MKI67: variants seen among roughly 807,000 people sequenced by gnomAD.
MKI67 encodes marker of proliferation Ki-67.
In MKI67, 152 loss-of-function variants were observed where a neutral mutation model predicts 233.5. The observed-to-expected ratio is 0.65, with a 90% CI of 0.57 to 0.74. The LOEUF (loss-of-function observed/expected upper bound fraction) is 0.74. MKI67 is among the 30% of genes least tolerant of loss of function. The probability of loss-of-function intolerance (pLI) is 0.00; values close to 1 mark genes in which losing one functional copy is unlikely to be tolerated. For synonymous variants in MKI67, 1,465 were observed against 1,418.5 expected (o/e 1.03, Z -0.74); for missense variants, 3,940 against 3,885.2 (o/e 1.01, Z -0.37).
chr10:128,119,609 C>T (rs1852888469), intron 4 of MKI67, among the ~76,000 whole-genome samples: 1 of 152,196 alleles, frequency 6.6e-6, no homozygotes, highest in Admixed American at 6.5e-5. Flanking sequence ...TACCAAGCAC[C>T]TTCTATGACA....
In MKI67 at chr10:128,108,950, G is replaced by T; in HGVS notation, c.2890C>A (p.Leu964Met). The T allele has an allele frequency of 6.2e-7, 1 of 1,614,174 alleles. No individual in the cohort carries two copies. Among genetic ancestry groups the T allele is most frequent in the African/African-American group, 1.3e-5 (1 of 75,036 alleles). ...WGQKCAPMSD[L>M]TDLKSLPDTE... Reference sequence around the variant, plus strand: ...TCAGGCAAGCTCTTGAGGTCTGTCAGGTCAGACATTGGTGCACATTTCTGC... The same window carrying T: ...TCAGGCAAGCTCTTGAGGTCTGTCATGTCAGACATTGGTGCACATTTCTGC... Residue 964 changes from leucine to methionine, a missense_variant, in exon 13 of 15, where the codon CTG becomes ATG. Physicochemically the swap from Leu to Met is conservative, Grantham distance 15. Transcript: ENST00000368654.
At chr10:128,109,728 T>C (rs1166452900) in intron 12 of MKI67, among the ~76,000 whole-genome samples, 2 of 152,348 alleles carry the variant, frequency 1.3e-5, no homozygotes, top group East Asian at 3.9e-4. Flanking sequence ...TTGACGTAAA[T>C]ATAGGCATTT....
rs1430937065 is a variant in MKI67 at position 128,106,667 on chromosome 10, C to G, written c.5173G>C (p.Glu1725Gln). The change falls in exon 13 of 15, where the codon GAA (glutamate) becomes CAA (glutamine). Residue 1725 changes from glutamate to glutamine, a missense_variant. Physicochemically the swap from Glu to Gln is conservative, Grantham distance 29. Transcript: ENST00000368654. ...ELFQTPSHTK[E>Q]SMTNEKTTKV... is the part of the protein sequence containing the mutation. The stretch of plus-strand genomic sequence containing the variant: ...GTAGTTTTTTCGTTAGTCATTGATT[C>G]CTTAGTGTGACTTGGTGTCTGGAAG... 7 of 1,614,100 alleles carry G rather than the reference C, an allele frequency of 4.3e-6. No homozygotes were observed. Among genetic ancestry groups the G allele is most frequent in the Non-Finnish European group, 5.9e-6 (7 of 1,180,028 alleles).
chr10:128,114,032 C>G (rs778264276), intron 7 of MKI67, among the ~76,000 whole-genome samples: 63 of 152,162 alleles, frequency 4.1e-4, no homozygotes, highest in Non-Finnish European at 1.0e-4. Flanking sequence ...CACAGGAGCC[C>G]AGTCCCGGCC....
rs372972364 is a variant in MKI67 at position 128,106,516 on chromosome 10, G to T, written c.5324C>A (p.Thr1775Lys). The T allele has an allele frequency of 6.2e-7, 1 of 1,613,918 alleles. No individual in the cohort carries two copies. Among genetic ancestry groups the T allele is most frequent in the Non-Finnish European group, 8.5e-7 (1 of 1,180,008 alleles). Reference protein sequence around the residue: ...EEEFLAFRKQTPSAGKAMHTP... With the variant: ...EEEFLAFRKQKPSAGKAMHTP... Reference sequence around the variant, plus strand: ...GTGCATGGCTTTGCCTGCTGATGGCGTTTGTTTCCTAAATGCTAAAAATTC... The same window carrying T: ...GTGCATGGCTTTGCCTGCTGATGGCTTTTGTTTCCTAAATGCTAAAAATTC... The change falls in exon 13 of 15, where the codon ACG (threonine) becomes AAG (lysine). Residue 1775 changes from threonine (T) to lysine (K), a missense_variant. Thr to Lys is a moderately conservative substitution (Grantham distance 78). Transcript: ENST00000368654.
chr10:128,114,562 T>C (rs1468863404), intron 7 of MKI67, among the ~76,000 whole-genome samples: 1 of 151,322 alleles, frequency 6.6e-6, no homozygotes, highest in Non-Finnish European at 1.5e-5. Context: ...CAAACTCATA[T>C]GATACAGTTG....
At chr10:128,119,140 T>C (rs984755686) in intron 5 of MKI67, 113 bp downstream of exon 5, 7 of 761,916 alleles carry the variant, frequency 9.2e-6, no homozygotes, top group Non-Finnish European at 1.6e-5. Context: ...TTTCCTACTA[T>C]AACAGTAACC....
chr10:128,121,250 T>G (rs1852929780), intron 4 of MKI67, among the ~76,000 whole-genome samples: 1 of 150,882 alleles, frequency 6.6e-6, no homozygotes. Context: ...AGTAGGTGAT[T>G]TGAACATATC....
chr10:128,122,278 T>A (rs942262538), intron 4 of MKI67, among the ~76,000 whole-genome samples: 6 of 152,140 alleles, frequency 3.9e-5, no homozygotes, highest in Admixed American at 3.9e-4. Context: ...TCTTGCTGCC[T>A]CTTCTCATGG....
chr10:128,110,399 G>T lies in MKI67; in HGVS notation c.2395C>A (p.Leu799Ile), dbSNP rs1408626429. 2.5e-6 allele frequency: 4 copies of T among 1,572,174 alleles called. No individual in the cohort carries two copies. In the South Asian group the frequency reaches 4.6e-5, roughly 18 times the overall value. Residue 799 changes from leucine (L) to isoleucine (I), a missense_variant, in exon 12 of 15, where the codon CTC becomes ATC. Transcript: ENST00000368654. ...QGTDSGEEPL[L>I]PTSESFGGNV... ...CAACCAAAACTCTCTGAGGTGGGGA[G>T]CAGAGGTTCTTCTCCTGAATCAGTT...
chr10:128,121,537 T>TAATAC (rs1198978572), intron 4 of MKI67, among the ~76,000 whole-genome samples: 6 of 137,700 alleles, frequency 4.4e-5, no homozygotes, highest in Non-Finnish European at 3.1e-5. Flanking sequence ...TTATATATTA[T>TAATAC]ATTATAATTA....
rs144209401 is a variant in MKI67 at position 128,101,530 on chromosome 10, G to A, written c.9433C>T (p.Pro3145Ser). The change falls in exon 14 of 15, where the codon CCT (proline) becomes TCT (serine). Residue 3145 changes from proline (P) to serine (S), a missense_variant. Transcript: ENST00000368654. The stretch of plus-strand genomic sequence containing the variant: ...TTGTTCTCAGTGACTTTGTCTCTAG[G>A]TATGGGTTTCCGGGCTCCATCATCT... ...NPDDGARKPI[P>S]RDKVTENKRC... The A allele has an allele frequency of 1.4e-5, 23 of 1,614,070 alleles. No individual in the cohort carries two copies. In the African/African-American group the frequency reaches 1.7e-4, roughly 12 times the overall value.
rs770900633 is a variant in MKI67, at chr10:128,114,954, T to C, written c.1454A>G (p.Asp485Gly). ...AATGGAATCACCAAAGTTGTTGATA[T>C]CAACTGAACTAAGACCAGGTAACCC... ...CSGLPGLSSV[D>G]INNFGDSINE... is the part of the protein sequence containing the mutation. The change falls in exon 7 of 15, where the codon GAT (aspartate) becomes GGT (glycine). Residue 485 changes from aspartate (D) to glycine (G), a missense_variant. Coordinates refer to ENST00000368654, the MANE Select transcript of MKI67 (RefSeq NM_002417.5). The C allele has an allele frequency of 3.3e-5, 52 of 1,558,468 alleles. No homozygotes were observed. The East Asian group carries it at 1.1e-3, about 32-fold the overall frequency.
Position 128,112,267 on chromosome 10 carries a change from T to C in MKI67, c.1835A>G (p.Glu612Gly). 6.2e-7 allele frequency: 1 copy of C among 1,614,236 alleles called. No homozygotes were observed. The highest frequency in any genetic ancestry group is 1.6e-4 in the Middle Eastern group (1 of 6,062). ...CTTTCTCCCTCCTCTCTTAGGAACCTCTGTCTGAGATTTGCTGCTGGAAGC... is the reference window on the plus strand; with the variant it reads ...CTTTCTCCCTCCTCTCTTAGGAACCCCTGTCTGAGATTTGCTGCTGGAAGC... The part of the protein sequence containing the change: ...APASSSKSQT[E>G]VPKRGGRKSG... The change falls in exon 9 of 15, where the codon GAG becomes GGG. Residue 612 changes from glutamate (E) to glycine (G), a missense_variant. Physicochemically the swap from Glu to Gly is moderately conservative, Grantham distance 98. Coordinates refer to ENST00000368654, the MANE Select transcript of MKI67 (RefSeq NM_002417.5).
At position 128,106,905 on chromosome 10, in the gene MKI67, CTCT is replaced by C. The variant is rs749724797; in HGVS notation, c.4932_4934del (p.Glu1645del). On this transcript the variant is annotated inframe_deletion, in exon 13 of 15. Transcript: ENST00000368654. ...GTGTGAGCTTGCCAACTGCTAGGAG[CTCT>C]TCTTTCACGCCCACTTTCCCCAGGG... 1 of 1,613,970 alleles carries C rather than the reference CTCT, an allele frequency of 6.2e-7. No individual in the cohort carries two copies. Among genetic ancestry groups the C allele is most frequent in the Non-Finnish European group, 8.5e-7 (1 of 1,179,986 alleles).
intron 4 of MKI67, among the ~76,000 whole-genome samples, chr10:128,119,674 A>C (rs1182315991): frequency 1.3e-5 from 2 of 152,208 alleles, no homozygotes; most frequent in African/African-American, 4.8e-5. Flanking sequence ...AGTCCATGGA[A>C]ATCATCGGAT....
chr10:128,104,120 C>T lies in MKI67; in HGVS notation c.7720G>A (p.Glu2574Lys). The T allele has an allele frequency of 4.3e-6, 7 of 1,614,096 alleles. No homozygotes were observed. Among genetic ancestry groups the T allele is most frequent in the Non-Finnish European group, 5.9e-6 (7 of 1,180,018 alleles). The change falls in exon 13 of 15, where the codon GAG (glutamate) becomes AAG (lysine). Residue 2574 changes from glutamate to lysine, a missense_variant. By Grantham distance (56) the Glu-to-Lys change is moderately conservative. Coordinates refer to ENST00000368654, the MANE Select transcript of MKI67 (RefSeq NM_002417.5). ...GTGTTTTTGTCAATAGTCATTGACT[C>T]TTCAGTGTGACCTGGTGCTGAGAAG... Reference protein sequence around the residue: ...ELFSAPGHTEESMTIDKNTKI... With the variant: ...ELFSAPGHTEKSMTIDKNTKI...
rs774625629 is a variant in MKI67, at chr10:128,115,968, G to C, written c.440C>G (p.Thr147Ser). The change falls in exon 7 of 15, where the codon ACT becomes AGT. Residue 147 changes from threonine (T) to serine (S), a missense_variant. Transcript: ENST00000368654. ...AQDSKAYSKI[T>S]EGKVSGNPQV... ...AGGATTTCCTGAAACTTTTCCTTCA[G>C]TGATTTTTGAATAGGCCTTGGAATC... The C allele has an allele frequency of 4.4e-6, 7 of 1,606,638 alleles. No individual in the cohort carries two copies. In the East Asian group the frequency reaches 1.6e-4, roughly 36 times the overall value.
chr10:128,121,970 T>C (rs549487683), intron 4 of MKI67, among the ~76,000 whole-genome samples: 3 of 152,274 alleles, frequency 2.0e-5, no homozygotes, highest in South Asian at 2.1e-4. Context: ...CAGAGATCCA[T>C]GCTTAGGTAG....
Sources: gnomAD v4.1 joint callset for allele counts (sites outside exome capture counted in the v4.1 genomes callset) on GRCh38, gnomAD v4.1.1 for gene constraint, MANE v1.5 for transcripts, NCBI Gene and HGNC (gene_info 2026-07-23, HGNC 2026-07-21) for gene names.